The following SLC25A38 variants were observed in gnomAD, a reference collection of about 807,000 sequenced individuals.
SLC25A38 encodes mitochondrial glycine transporter.
A neutral mutation model predicts 33.4 loss-of-function variants in SLC25A38; 27 were observed. The observed-to-expected ratio is 0.81, with a 90% confidence interval of 0.60 to 1.11. The LOEUF is 1.11. Ranked by LOEUF, SLC25A38 falls within the 50% of genes most tolerant of loss-of-function variation. The pLI is 0.00. For missense variants in SLC25A38, 344 were observed against 388.8 expected (o/e 0.88, Z 0.97); for synonymous variants, 123 against 145.9 (o/e 0.84, Z 1.13).
chr3:39,387,577 G>T (rs917862035), intron 1 of SLC25A38, among the ~76,000 whole-genome samples: 1 of 152,166 alleles, frequency 6.6e-6, no homozygotes, highest in Admixed American at 6.5e-5. Context: ...GCAAGTGTGT[G>T]GAGAACTGTT....
chr3:39,391,804 G>T, intron 4 of SLC25A38, 49 bp from the exon 5 acceptor site: 2 of 1,612,508 alleles, frequency 1.2e-6, no homozygotes, highest in South Asian at 2.2e-5. Context: ...GTTCAGTGCT[G>T]AAATGCAGCG....
chr3:39,390,850 G>A (rs2041758223), intron 3 of SLC25A38, among the ~76,000 whole-genome samples: 2 of 152,138 alleles, frequency 1.3e-5, no homozygotes, highest in Admixed American at 1.3e-4. Flanking sequence ...TCTGGCCTTA[G>A]GGACTCACGC....
chr3:39,396,500 A>C lies in SLC25A38; in HGVS notation c.895A>C (p.Lys299Gln). 6.2e-7 allele frequency: 1 copy of C among 1,614,138 alleles called. No individual in the cohort carries two copies. The highest frequency in any genetic ancestry group is 8.5e-7 in the Non-Finnish European group (1 of 1,180,022). The change falls in exon 7 of 7, where the codon AAG becomes CAG. Residue 299 changes from lysine to glutamine, a missense_variant. Around this residue, in one of 2 missense-constraint regions of SLC25A38, gnomAD observed 75 missense variants for 117.0 expected, o/e 0.64. Transcript: ENST00000650617. The stretch of plus-strand genomic sequence containing the variant: ...GACGGTGTATGAAGAGATGATGGCC[A>C]AGATGGGCCTGAAGTCCTGACCAAG... ...AWTVYEEMMAKMGLKS is the reference protein window; with the variant it reads ...AWTVYEEMMAQMGLKS
At chr3:39,392,627 AG>A (rs1253009538) in intron 5 of SLC25A38, among the ~76,000 whole-genome samples, 5 of 152,098 alleles carry the variant, frequency 3.3e-5, no homozygotes, top group African/African-American at 9.7e-5. Context: ...CAAAATTGGT[AG>A]GCAGTAAACA....
intron 5 of SLC25A38, among the ~76,000 whole-genome samples, chr3:39,392,465 A>G (rs4398367): frequency 0.89 from 135,419 of 151,906 alleles, 62,160 homozygotes; most frequent in Non-Finnish European, 1. Flanking sequence ...TTAGGAGTTT[A>G]AAGAAAAATA....
At position 39,396,647 on chromosome 3, in the gene SLC25A38, T is replaced by A; in HGVS notation, c.*127T>A. 6.6e-7 allele frequency: 1 copy of A among 1,509,182 alleles called. No homozygotes were observed. Among genetic ancestry groups the A allele is most frequent in the Non-Finnish European group, 9.1e-7 (1 of 1,095,370 alleles). 93.5% of individuals were successfully genotyped at this position (1,509,182 alleles called of 1,614,324 possible). A position where few individuals can be genotyped will look rare whatever the true frequency, so the allele number is the denominator to read the frequency against. On this transcript the variant is annotated 3_prime_UTR_variant, in exon 7 of 7. Transcript: ENST00000650617. ...AAAACCAGGCAGAAATTGTGTTGCC[T>A]TTGCCTTCAGTAATCCCCTTAAGGA...
chr3:39,386,688 T>A, intron 1 of SLC25A38, among the ~76,000 whole-genome samples: 1 of 152,178 alleles, frequency 6.6e-6, no homozygotes, highest in Non-Finnish European at 1.5e-5. Context: ...AGGCAAGAGA[T>A]AACAGGGTTC....
Position 39,391,994 on chromosome 3 carries a change from A to T in SLC25A38, c.598A>T (p.Asn200Tyr), listed in dbSNP as rs769117532. ...CTCAGGAATCTACCTGATGTTTTAC[A>T]ACCAGACCAAAAATATAGTGCCTCA... is the stretch of plus-strand genomic sequence containing the variant. ...PFSGIYLMFY[N>Y]QTKNIVPHDQ... Residue 200 changes from asparagine to tyrosine, a missense_variant, in exon 5 of 7, where the codon AAC becomes TAC. By Grantham distance (143) the Asn-to-Tyr change is moderately radical. Around this residue, in one of 2 missense-constraint regions of SLC25A38, gnomAD observed 269 missense variants for 271.8 expected, o/e 0.99. Transcript: ENST00000650617. 10 of 1,614,082 alleles carry T rather than the reference A, an allele frequency of 6.2e-6. No homozygotes were observed. In the South Asian group the frequency reaches 1.1e-4, roughly 18 times the overall value.
intron 1 of SLC25A38, among the ~76,000 whole-genome samples, chr3:39,388,778 A>G (rs1019009991): frequency 6.6e-6 from 1 of 152,202 alleles, no homozygotes; most frequent in Non-Finnish European, 1.5e-5. Flanking sequence ...TGATAGCACC[A>G]GTGCTGGAAG....
Position 39,396,565 on chromosome 3 carries a change from T to G in SLC25A38, c.*45T>G. On this transcript the variant is annotated 3_prime_UTR_variant, in exon 7 of 7. Coordinates refer to ENST00000650617, the MANE Select transcript of SLC25A38 (RefSeq NM_017875.4). The stretch of plus-strand genomic sequence containing the variant: ...GGGTGAAATCTGTTGCCCTGCTTGG[T>G]TTCTGCCAAGGGCTGCTGCTTCTTA... 6.2e-7 allele frequency: 1 copy of G among 1,613,406 alleles called. No individual in the cohort carries two copies. The highest frequency in any genetic ancestry group is 2.2e-5 in the East Asian group (1 of 44,876).
At position 39,389,451 on chromosome 3, in the gene SLC25A38, TCA is replaced by T; in HGVS notation, c.70-39_70-38del. 6.2e-7 allele frequency: 1 copy of T among 1,614,196 alleles called. No homozygotes were observed. The highest frequency in any genetic ancestry group is 1.1e-5 in the South Asian group (1 of 91,064). On this transcript the variant is annotated intron_variant, in intron 1 of 6. Transcript: ENST00000650617. The surrounding 1 kb of genome is among the most constrained non-coding windows in gnomAD (Gnocchi z 4.5). Reference sequence around the variant, plus strand: ...GGTCAGGTATAGAGAAAGGTGAGGCTCACACAGGCAGAGCTACTGACACAATA... The same window carrying T: ...GGTCAGGTATAGAGAAAGGTGAGGCTCACAGGCAGAGCTACTGACACAATA...
chr3:39,383,966 T>C (rs1422236856), intron 1 of SLC25A38, among the ~76,000 whole-genome samples, 173 bp downstream of exon 1: 1 of 149,942 alleles, frequency 6.7e-6, no homozygotes, highest in Non-Finnish European at 1.5e-5. Context: ...GGGCAGGGAG[T>C]GAGGAGAGGC....
intron 1 of SLC25A38, among the ~76,000 whole-genome samples, chr3:39,385,935 G>T (rs2041704343): frequency 6.6e-6 from 1 of 152,184 alleles, no homozygotes; most frequent in Non-Finnish European, 1.5e-5. Flanking sequence ...CTCCAGTATG[G>T]CTGCAGAGTG....
intron 1 of SLC25A38, among the ~76,000 whole-genome samples, chr3:39,386,158 T>C (rs1422437874): frequency 2.6e-5 from 4 of 152,180 alleles, no homozygotes; most frequent in African/African-American, 9.7e-5. Flanking sequence ...CATTTGTCAT[T>C]ACTTGTATTT....
At chr3:39,392,613 T>C (rs1053070995) in intron 5 of SLC25A38, among the ~76,000 whole-genome samples, 5 of 151,986 alleles carry the variant, frequency 3.3e-5, no homozygotes, top group African/African-American at 1.2e-4. Context: ...GGGCTAGACA[T>C]GGACAAAATT....
chr3:39,390,179 G>C (rs1471027194), intron 2 of SLC25A38, among the ~76,000 whole-genome samples: 1 of 152,162 alleles, frequency 6.6e-6, no homozygotes, highest in Non-Finnish European at 1.5e-5. Flanking sequence ...GGCCTCGAGT[G>C]ATCTGCCCAC....
chr3:39,394,227 C>T (rs2041804950), intron 5 of SLC25A38, among the ~76,000 whole-genome samples, 183 bp from the exon 6 acceptor site: 1 of 152,170 alleles, frequency 6.6e-6, no homozygotes, highest in Non-Finnish European at 1.5e-5. Flanking sequence ...GAAAAAGGTG[C>T]TTTTCTAACT....
At chr3:39,391,813 C>T (rs545569400) in intron 4 of SLC25A38, 40 bp from the exon 5 acceptor site, 42 of 1,612,022 alleles carry the variant, frequency 2.6e-5, no homozygotes, top group Middle Eastern at 2.0e-4. Flanking sequence ...TGAAATGCAG[C>T]GCCTCCATGC....
At chr3:39,383,825 G>C (rs1193918561) in intron 1 of SLC25A38, 32 bp downstream of exon 1, 2 of 1,612,388 alleles carry the variant, frequency 1.2e-6, no homozygotes, top group African/African-American at 2.7e-5. Context: ...AAGGGCAGGG[G>C]TCCGAACCGC....
Sources: gnomAD v4.1 joint callset for allele counts (sites outside exome capture counted in the v4.1 genomes callset) on GRCh38, gnomAD v4.1.1 for gene constraint, gnomAD v4.1.1 regional missense constraint, Gnocchi (gnomAD v3.1) non-coding constraint, MANE v1.5 for transcripts, NCBI Gene and HGNC (gene_info 2026-07-23, HGNC 2026-07-21) for gene names.